The following LMNTD1 variants were observed in gnomAD, a reference collection of about 807,000 sequenced individuals.
The protein encoded by LMNTD1 is lamin tail domain containing 1.
LMNTD1 carries 35 observed loss-of-function variants against 50.9 expected under a neutral mutation model. That is an observed-to-expected ratio of 0.69 (90% confidence interval 0.53 to 0.91). The LOEUF (loss-of-function observed/expected upper bound fraction) is 0.91, where lower values mean the gene tolerates loss of function less well. Ranked by LOEUF, LMNTD1 falls within the 40% of genes least tolerant of loss-of-function variation. The probability of loss-of-function intolerance (pLI) is 0.00; values close to 1 mark genes in which losing one functional copy is unlikely to be tolerated. For missense variants in LMNTD1, 470 were observed against 475.5 expected (o/e 0.99, Z 0.11); for synonymous variants, 153 against 161.9 (o/e 0.94, Z 0.42).
At chr12:25,596,443 T>C (rs530363076) in intron 1 of LMNTD1, among the ~76,000 whole-genome samples, 4 of 152,162 alleles carry the variant, frequency 2.6e-5, no homozygotes, top group African/African-American at 7.2e-5. Context: ...ATAAATATGA[T>C]ACACCACATA....
At chr12:25,599,827 T>C (rs1945921801) in intron 1 of LMNTD1, among the ~76,000 whole-genome samples, 1 of 152,060 alleles carries the variant, frequency 6.6e-6, no homozygotes, top group South Asian at 2.1e-4. Flanking sequence ...ACATATTCCA[T>C]GTTCATGGAT....
In LMNTD1 at chr12:25,553,099, T is replaced by A; in HGVS notation, c.-61A>T. 6.2e-6 allele frequency: 10 copies of A among 1,613,590 alleles called. No individual in the cohort carries two copies. Among genetic ancestry groups the A allele is most frequent in the Non-Finnish European group, 8.5e-6 (10 of 1,179,890 alleles). On this transcript the variant is annotated 5_prime_UTR_variant, in exon 1 of 10. Transcript: ENST00000458174. Reference sequence around the variant, plus strand: ...AATCCAACTACCTTCAAGCATCAGCTAGGTTTAATAATTTCTTTACCAAAC... The same window carrying A: ...AATCCAACTACCTTCAAGCATCAGCAAGGTTTAATAATTTCTTTACCAAAC...
At chr12:25,559,692 T>C (rs911280120) in intron 1 of LMNTD1, among the ~76,000 whole-genome samples, 1 of 152,196 alleles carries the variant, frequency 6.6e-6, no homozygotes, top group African/African-American at 2.4e-5. Context: ...TTTCTCCACA[T>C]CCTCTCCAGA....
intron 1 of LMNTD1, among the ~76,000 whole-genome samples, chr12:25,603,527 A>G (rs1946025009): frequency 6.6e-6 from 1 of 152,082 alleles, no homozygotes; most frequent in South Asian, 2.1e-4. Context: ...GAACCAGATT[A>G]ATACACCTTT....
chr12:25,634,663 G>A (rs147079919), intron 1 of LMNTD1, among the ~76,000 whole-genome samples: 117 of 152,226 alleles, frequency 7.7e-4, no homozygotes, highest in African/African-American at 2.6e-3. Context: ...AGCTCAATGT[G>A]ATAAAAGCCA....
At chr12:25,581,125 G>A (rs193185933) in intron 1 of LMNTD1, among the ~76,000 whole-genome samples, 14 of 152,254 alleles carry the variant, frequency 9.2e-5, no homozygotes, top group East Asian at 7.7e-4. Context: ...CTGTAGCAGC[G>A]TACATAAGAC....
intron 9 of LMNTD1, among the ~76,000 whole-genome samples, chr12:25,482,337 A>G (rs984230712): frequency 6.6e-6 from 1 of 151,970 alleles, no homozygotes; most frequent in Non-Finnish European, 1.5e-5. Context: ...TCCCCCAGTA[A>G]CTATATTTTT....
chr12:25,575,582 A>G (rs1057094607), intron 1 of LMNTD1, among the ~76,000 whole-genome samples: 10 of 152,200 alleles, frequency 6.6e-5, no homozygotes, highest in Admixed American at 5.2e-4. Flanking sequence ...AAATAGCTCA[A>G]TGGGGAAGAT....
intron 4 of LMNTD1, among the ~76,000 whole-genome samples, chr12:25,546,025 T>C (rs1324189705): frequency 6.6e-6 from 1 of 151,704 alleles, no homozygotes; most frequent in Non-Finnish European, 1.5e-5. Context: ...TTTCTCCTTC[T>C]GTCTTGAACT....
intron 1 of LMNTD1, among the ~76,000 whole-genome samples, chr12:25,636,638 G>T (rs1472761055): frequency 1.3e-5 from 2 of 152,044 alleles, no homozygotes; most frequent in African/African-American, 4.8e-5. Context: ...CTGGGTATCT[G>T]CCCAGAGAAA....
At chr12:25,486,393 G>A (rs1174642739) in intron 9 of LMNTD1, among the ~76,000 whole-genome samples, 9 of 151,952 alleles carry the variant, frequency 5.9e-5, no homozygotes, top group Admixed American at 2.6e-4. Context: ...ATCAGCTTAA[G>A]GAGATTTTGG....
At chr12:25,615,460 AT>A (rs1169735554) in intron 1 of LMNTD1, among the ~76,000 whole-genome samples, 5,873 of 148,206 alleles carry the variant, frequency 0.04, 393 homozygotes, top group African/African-American at 0.14. Flanking sequence ...TAATTTTTTA[AT>A]TTTTTTTTTT....
intron 9 of LMNTD1, among the ~76,000 whole-genome samples, chr12:25,500,661 A>G (rs1184212817): frequency 6.6e-6 from 1 of 152,124 alleles, no homozygotes; most frequent in Non-Finnish European, 1.5e-5. Flanking sequence ...TTCCATTTTT[A>G]TACTTTTTTT....
intron 4 of LMNTD1, among the ~76,000 whole-genome samples, chr12:25,534,509 C>G (rs1942439009): frequency 6.6e-6 from 1 of 152,066 alleles, no homozygotes; most frequent in African/African-American, 2.4e-5. Context: ...AGCTGAGAGT[C>G]TGGGGAGACC....
rs59837045 is a variant in LMNTD1 at position 25,572,107 on chromosome 12, T to G, written c.59-25553A>C. 9.5e-3 allele frequency among the ~76,000 whole-genome samples: 1,444 copies of G among 152,324 alleles called. 25 individuals carry two copies. Among genetic ancestry groups the G allele is most frequent in the East Asian group, 0.071 (370 of 5,188 alleles). On this transcript the variant is annotated intron_variant, in intron 1 of 7. Transcript: ENST00000445693. ...TCCTCCATTGATTTGCTATGAGAAC[T>G]TATGTAAAATAACTTCATAGGTTTC...
At chr12:25,492,894 C>T (rs1044843366) in intron 9 of LMNTD1, among the ~76,000 whole-genome samples, 2 of 151,932 alleles carry the variant, frequency 1.3e-5, no homozygotes, top group African/African-American at 4.8e-5. Flanking sequence ...TTTCTGGACT[C>T]ATCTCCTTGT....
chr12:25,633,322 T>A (rs1202836387), intron 1 of LMNTD1, among the ~76,000 whole-genome samples: 1 of 152,116 alleles, frequency 6.6e-6, no homozygotes, highest in East Asian at 1.9e-4. Context: ...TTGGAACAGA[T>A]GGACTTAACA....
intron 4 of LMNTD1, among the ~76,000 whole-genome samples, chr12:25,540,753 G>A (rs1045676450): frequency 1.3e-4 from 18 of 137,140 alleles, no homozygotes; most frequent in African/African-American, 4.8e-4. Flanking sequence ...AGGAAATAAA[G>A]GGTATTCAAT....
intron 1 of LMNTD1, among the ~76,000 whole-genome samples, chr12:25,631,008 G>A (rs1236934364): frequency 2.0e-5 from 3 of 152,148 alleles, no homozygotes; most frequent in Admixed American, 6.5e-5. Flanking sequence ...AGTGGGAGCT[G>A]GGTGAGGCCT....
Sources: gnomAD v4.1 joint callset for allele counts (sites outside exome capture counted in the v4.1 genomes callset) on GRCh38, gnomAD v4.1.1 for gene constraint, MANE v1.5 for transcripts, NCBI Gene and HGNC (gene_info 2026-07-23, HGNC 2026-07-21) for gene names.